EFNA5: variants seen among roughly 807,000 people sequenced by gnomAD.
EFNA5 encodes the protein ephrin A5, also known as ephrin-A5.
A neutral mutation model predicts 22.9 loss-of-function variants in EFNA5; 5 were observed. The observed-to-expected ratio is 0.22, with a 90% CI of 0.11 to 0.46. EFNA5 has a LOEUF of 0.46. EFNA5 is among the 20% of genes least tolerant of loss of function. The pLI is 0.99. For synonymous variants in EFNA5, 113 were observed against 112.2 expected (o/e 1.01, Z -0.04); for missense variants, 237 against 293.3 (o/e 0.81, Z 1.40).
At chr5:107,543,824 G>A (rs753051653) in intron 1 of EFNA5, among the ~76,000 whole-genome samples, 14 of 152,184 alleles carry the variant, frequency 9.2e-5, no homozygotes, top group Non-Finnish European at 1.3e-4. Flanking sequence ...TGAAATGATC[G>A]TGTGTATAAC....
intron 1 of EFNA5, among the ~76,000 whole-genome samples, chr5:107,547,768 T>G (rs1748199917): frequency 6.6e-6 from 1 of 152,230 alleles, no homozygotes; most frequent in Non-Finnish European, 1.5e-5. Context: ...GAGGTGACTT[T>G]GTAAGACAGT....
intron 1 of EFNA5, among the ~76,000 whole-genome samples, chr5:107,553,261 C>A (rs1466314251): frequency 6.6e-5 from 10 of 152,314 alleles, no homozygotes; most frequent in African/African-American, 2.4e-4. Context: ...GCACTCACTG[C>A]CTGCTCTGCA....
At chr5:107,660,276 ATATATAT>A (rs1561462884) in intron 1 of EFNA5, among the ~76,000 whole-genome samples, 3,196 of 56,468 alleles carry the variant, frequency 0.057, 151 homozygotes, top group African/African-American at 0.12. Context: ...ATATATATAT[ATATATAT>A]ATATATATAT....
At chr5:107,642,908 A>G (rs1307432282) in intron 1 of EFNA5, among the ~76,000 whole-genome samples, 1 of 149,466 alleles carries the variant, frequency 6.7e-6, no homozygotes, top group African/African-American at 2.5e-5. Flanking sequence ...GTCATCTAAA[A>G]TGTCATTTTG....
chr5:107,559,905 T>G (rs1748501067), intron 1 of EFNA5, among the ~76,000 whole-genome samples: 1 of 152,204 alleles, frequency 6.6e-6, no homozygotes, highest in African/African-American at 2.4e-5. Flanking sequence ...CATATGAATA[T>G]ACTTTGAAAC....
chr5:107,634,180 A>G (rs931787045), intron 1 of EFNA5, among the ~76,000 whole-genome samples: 8 of 152,198 alleles, frequency 5.3e-5, no homozygotes, highest in African/African-American at 1.9e-4. Flanking sequence ...ACTGTGATGC[A>G]GAAATTCTTC....
At chr5:107,512,060 G>A (rs1477066999) in intron 1 of EFNA5, among the ~76,000 whole-genome samples, 1 of 152,188 alleles carries the variant, frequency 6.6e-6, no homozygotes, top group Non-Finnish European at 1.5e-5. Flanking sequence ...TGTGGCTCCT[G>A]CAACACTTGT....
At chr5:107,656,028 C>T (rs1000680409) in intron 1 of EFNA5, among the ~76,000 whole-genome samples, 2 of 152,106 alleles carry the variant, frequency 1.3e-5, no homozygotes, top group Admixed American at 6.6e-5. Context: ...CCCAGCTGCC[C>T]GTAAGGAGCA....
intron 1 of EFNA5, among the ~76,000 whole-genome samples, chr5:107,467,440 G>C (rs1750017072): frequency 1.3e-5 from 2 of 152,136 alleles, no homozygotes; most frequent in South Asian, 2.1e-4. Context: ...TCTGAGGCTT[G>C]TTGGCTTATG....
intron 1 of EFNA5, among the ~76,000 whole-genome samples, chr5:107,483,830 G>A: frequency 6.6e-6 from 1 of 152,296 alleles, no homozygotes; most frequent in South Asian, 2.1e-4. Flanking sequence ...GGTAAGGCTA[G>A]TGTTGAAGTA....
At chr5:107,608,309 C>G (rs1749762482) in intron 1 of EFNA5, among the ~76,000 whole-genome samples, 2 of 152,164 alleles carry the variant, frequency 1.3e-5, no homozygotes, top group African/African-American at 4.8e-5. Context: ...TTTTGAGCAA[C>G]CGTGTTAGGA....
Position 107,482,864 on chromosome 5 carries a change from C to A in EFNA5, c.126-55355G>T, listed in dbSNP as rs1212349829. On this transcript the variant is annotated intron_variant, in intron 1 of 4. Transcript: ENST00000333274. ...TCTCTCTCTCTCTCTCTCTCTCTCT[C>A]TCTCTCTATATATATATATATATAT... Among the ~76,000 whole-genome samples the A allele has an allele frequency of 6.8e-3, 326 of 48,106 alleles. 1 individual carries two copies. Among genetic ancestry groups the A allele is most frequent in the East Asian group, 0.018 (24 of 1,326 alleles). The allele number at this position is 48,106 out of a possible 152,430, so 31.6% of individuals were successfully genotyped here.
chr5:107,387,920 A>G lies in EFNA5; in HGVS notation c.419-149T>C, dbSNP rs1208717724. ...TAATTCCTCCTCCAAATTAAAACAA[A>G]CAGTACTTTTCAGGTCTCACTGCTA... On this transcript the variant is annotated intron_variant, in intron 2 of 4. Coordinates refer to ENST00000333274, the MANE Select transcript of EFNA5 (RefSeq NM_001962.3). The G allele has an allele frequency of 1.2e-5, 7 of 595,392 alleles. No homozygotes were observed. The East Asian group carries it at 2.0e-4, about 17-fold the overall frequency. The allele number at this position is 595,392 out of a possible 1,614,324, so 36.9% of individuals were successfully genotyped here. A position where few individuals can be genotyped will look rare whatever the true frequency, so the allele number is the denominator to read the frequency against.
At chr5:107,566,144 C>T (rs972837179) in intron 1 of EFNA5, among the ~76,000 whole-genome samples, 2 of 152,168 alleles carry the variant, frequency 1.3e-5, no homozygotes, top group African/African-American at 4.8e-5. Flanking sequence ...CGCTCCTACC[C>T]TCTGCTCCTG....
At chr5:107,578,269 C>A (rs1029664017) in intron 1 of EFNA5, among the ~76,000 whole-genome samples, 1 of 152,200 alleles carries the variant, frequency 6.6e-6, no homozygotes, top group Admixed American at 6.5e-5. Flanking sequence ...ATGAGTCAAT[C>A]CAACTGGTTA....
At chr5:107,434,955 A>G (rs968491260) in intron 1 of EFNA5, among the ~76,000 whole-genome samples, 1 of 152,228 alleles carries the variant, frequency 6.6e-6, no homozygotes, top group African/African-American at 2.4e-5. Context: ...TAAAAGAAGG[A>G]TATGATTTAT....
intron 1 of EFNA5, among the ~76,000 whole-genome samples, chr5:107,580,736 A>AAAG (rs1554067560): frequency 1.0e-4 from 15 of 147,556 alleles, no homozygotes; most frequent in Non-Finnish European, 1.6e-4. Flanking sequence ...AAAAAAAAAA[A>AAAG]AAAAGAAAAG....
intron 1 of EFNA5, among the ~76,000 whole-genome samples, chr5:107,553,326 T>C (rs1040522058): frequency 4.6e-5 from 7 of 152,202 alleles, no homozygotes; most frequent in African/African-American, 1.2e-4. Flanking sequence ...AAGAGAAATA[T>C]GTGACACAGG....
chr5:107,638,258 C>A lies in EFNA5; in HGVS notation c.125+32231G>T, dbSNP rs183149315. ...CACACAAGAAATCTTATCAGAGATA[C>A]AACACCGCGTGATCTCACTTATATG... On this transcript the variant is annotated intron_variant, in intron 1 of 4. Coordinates refer to ENST00000333274, the MANE Select transcript of EFNA5 (RefSeq NM_001962.3). Among the ~76,000 whole-genome samples the A allele has an allele frequency of 2.5e-3, 376 of 152,174 alleles. 4 individuals carry two copies. The highest frequency in any genetic ancestry group is 8.9e-3 in the African/African-American group (368 of 41,510).
Sources: allele counts gnomAD v4.1 joint callset (sites outside exome capture counted in the v4.1 genomes callset), GRCh38; gene constraint gnomAD v4.1.1; transcripts MANE v1.5; gene names NCBI Gene and HGNC (gene_info 2026-07-23, HGNC 2026-07-21).